The following CNTN5 variants were observed in gnomAD, a reference collection of about 807,000 sequenced individuals.
CNTN5 encodes the protein contactin 5.
CNTN5 carries 77 observed loss-of-function variants against 129.1 expected under a neutral mutation model. The observed-to-expected ratio is 0.60, with a 90% CI of 0.50 to 0.72. The LOEUF is 0.72. Among genes scored for constraint, CNTN5 ranks in the 30% least tolerant of loss-of-function variants. The pLI is 0.00. For missense variants in CNTN5, 1,478 were observed against 1,328.8 expected (o/e 1.11, Z -1.75); for synonymous variants, 509 against 465.6 (o/e 1.09, Z -1.20).
intron 13 of CNTN5, among the ~76,000 whole-genome samples, chr11:100,080,707 A>G (rs1318688168): frequency 1.3e-5 from 2 of 152,128 alleles, no homozygotes; most frequent in Non-Finnish European, 2.9e-5. Flanking sequence ...CCTCTGTGAC[A>G]GTGTCTTTTA....
intron 1 of CNTN5, among the ~76,000 whole-genome samples, chr11:99,181,508 G>T (rs1858064173): frequency 6.6e-6 from 1 of 152,110 alleles, no homozygotes; most frequent in Non-Finnish European, 1.5e-5. Flanking sequence ...GGCCTCCCGC[G>T]GCAACTCCAC....
chr11:99,938,617 C>T (rs1164179839), intron 7 of CNTN5, among the ~76,000 whole-genome samples: 3 of 151,970 alleles, frequency 2.0e-5, no homozygotes, highest in Admixed American at 1.3e-4. Flanking sequence ...AAATTTTTGT[C>T]CTGATATATA....
intron 1 of CNTN5, among the ~76,000 whole-genome samples, chr11:99,138,535 A>G (rs1324964526): frequency 2.6e-5 from 4 of 152,178 alleles, no homozygotes; most frequent in African/African-American, 9.6e-5. Context: ...GTTGCGATGC[A>G]TTATAGGATG....
At chr11:99,900,651 T>C (rs1949332696) in intron 6 of CNTN5, among the ~76,000 whole-genome samples, 1 of 152,152 alleles carries the variant, frequency 6.6e-6, no homozygotes, top group East Asian at 1.9e-4. Flanking sequence ...AACCTATGGA[T>C]GTCATTACAT....
At chr11:100,139,281 A>T (rs1437707245) in intron 13 of CNTN5, among the ~76,000 whole-genome samples, 3 of 152,198 alleles carry the variant, frequency 2.0e-5, no homozygotes, top group Non-Finnish European at 4.4e-5. Context: ...AAGAAATTGT[A>T]GAAGTACCAC....
chr11:99,731,157 G>T (rs542983495), intron 3 of CNTN5, among the ~76,000 whole-genome samples: 241 of 151,326 alleles, frequency 1.6e-3, no homozygotes, highest in African/African-American at 5.6e-3. Flanking sequence ...CGCCCAGGCT[G>T]GAGTGCAGTG....
intron 3 of CNTN5, among the ~76,000 whole-genome samples, chr11:99,690,183 G>A (rs1270758498): frequency 6.6e-6 from 1 of 152,070 alleles, no homozygotes; most frequent in Non-Finnish European, 1.5e-5. Flanking sequence ...TATTAAGTAG[G>A]GAATCCTTTC....
chr11:99,778,837 TATC>T (rs1945214714), intron 3 of CNTN5, among the ~76,000 whole-genome samples: 1 of 145,896 alleles, frequency 6.9e-6, no homozygotes, highest in Admixed American at 6.9e-5. Context: ...TTGAAATTAA[TATC>T]AACAATTTTT....
chr11:100,051,981 TAGTTTCGTTG>T (rs1942977929), intron 9 of CNTN5, among the ~76,000 whole-genome samples: 1 of 151,894 alleles, frequency 6.6e-6, no homozygotes, highest in Middle Eastern at 3.2e-3. Flanking sequence ...GAGTCCCAGT[TAGTTTCGTTG>T]ATGAATTCTA....
At chr11:99,825,624 A>G (rs1946929968) in intron 4 of CNTN5, among the ~76,000 whole-genome samples, 1 of 152,042 alleles carries the variant, frequency 6.6e-6, no homozygotes. Flanking sequence ...GTCTGAAAAT[A>G]TATTTTGCCA....
chr11:99,432,429 CCTTTT>C (rs1432088034), intron 2 of CNTN5, among the ~76,000 whole-genome samples: 1 of 125,366 alleles, frequency 8.0e-6, no homozygotes, highest in Non-Finnish European at 1.7e-5. Flanking sequence ...CTTTTCTTTT[CCTTTT>C]CTTTCCTTTT....
intron 8 of CNTN5, among the ~76,000 whole-genome samples, chr11:99,978,463 G>C (rs763127732): frequency 2.0e-5 from 3 of 152,192 alleles, no homozygotes; most frequent in Non-Finnish European, 4.4e-5. Context: ...CCAGAGCAAC[G>C]TCTGGTCCTG....
intron 2 of CNTN5, among the ~76,000 whole-genome samples, chr11:99,372,838 T>G (rs534734516): frequency 1.3e-5 from 2 of 152,364 alleles, no homozygotes; most frequent in East Asian, 3.9e-4. Context: ...TTTTGTTTTG[T>G]TTTGTTACCA....
intron 18 of CNTN5, among the ~76,000 whole-genome samples, chr11:100,271,785 A>C (rs1950412591): frequency 6.6e-6 from 1 of 152,230 alleles, no homozygotes; most frequent in Admixed American, 6.5e-5. Context: ...ACATTACATT[A>C]TTCTCAGCTT....
intron 1 of CNTN5, among the ~76,000 whole-genome samples, chr11:99,065,169 TC>T (rs139697302): frequency 0.3 from 45,259 of 151,872 alleles, 6,958 homozygotes; most frequent in African/African-American, 0.33. Context: ...AGTCTGTGTT[TC>T]CCATTATAGA....
At chr11:99,980,984 C>G (rs1226969141) in intron 8 of CNTN5, among the ~76,000 whole-genome samples, 1 of 149,840 alleles carries the variant, frequency 6.7e-6, no homozygotes, top group Non-Finnish European at 1.5e-5. Flanking sequence ...AACTTTTTTT[C>G]ATATACACAT....
chr11:99,637,952 T>C (rs548582662), intron 3 of CNTN5, among the ~76,000 whole-genome samples: 1 of 152,274 alleles, frequency 6.6e-6, no homozygotes, highest in Admixed American at 6.5e-5. Context: ...TTGTTTTTAT[T>C]TTTGGTTTAT....
chr11:99,055,119 G>A (rs1483011155), intron 1 of CNTN5, among the ~76,000 whole-genome samples: 3 of 151,930 alleles, frequency 2.0e-5, no homozygotes, highest in African/African-American at 4.8e-5. Context: ...TAATGTTACT[G>A]ATCTGTGAAG....
chr11:99,256,223 T>C (rs1278333204), intron 1 of CNTN5, among the ~76,000 whole-genome samples: 2 of 152,144 alleles, frequency 1.3e-5, no homozygotes, highest in Admixed American at 1.3e-4. Context: ...AGCTTTGATT[T>C]GTTTATTATA....
Sources: allele counts gnomAD v4.1 joint callset (sites outside exome capture counted in the v4.1 genomes callset), GRCh38; gene constraint gnomAD v4.1.1; transcripts MANE v1.5; gene names NCBI Gene and HGNC (gene_info 2026-07-23, HGNC 2026-07-21).